Variants in RARB observed in about 807,000 individuals in gnomAD.
The protein encoded by RARB is HBV-activated protein.
In RARB, 17 loss-of-function variants were observed where a neutral mutation model predicts 51.9. That is an observed-to-expected ratio of 0.33 (90% CI 0.22 to 0.49). The LOEUF (loss-of-function observed/expected upper bound fraction) is 0.49, where lower values mean the gene tolerates loss of function less well. Among genes scored for constraint, RARB ranks in the 20% least tolerant of loss-of-function variants. The pLI is 0.99. For missense variants in RARB, 369 were observed against 550.8 expected, an observed-to-expected ratio of 0.67 and a Z score of 3.30; for synonymous variants, 215 against 195.4, an observed-to-expected ratio of 1.10 and a Z score of -0.84.
chr3:25,099,518 T>C (rs1699359254), intron 3 of RARB, among the ~76,000 whole-genome samples: 1 of 151,936 alleles, frequency 6.6e-6, no homozygotes, highest in African/African-American at 2.4e-5. Flanking sequence ...TATGTATCAT[T>C]GAATCAAATT....
intron 5 of RARB, among the ~76,000 whole-genome samples, chr3:25,263,489 G>A (rs1410582951): frequency 6.6e-6 from 1 of 152,108 alleles, no homozygotes; most frequent in Non-Finnish European, 1.5e-5. Context: ...AATTTGAAAT[G>A]TTGTTTATTT....
At chr3:25,178,398 T>C (rs569830560) in intron 5 of RARB, among the ~76,000 whole-genome samples, 1 of 152,298 alleles carries the variant, frequency 6.6e-6, no homozygotes, top group African/African-American at 2.4e-5. Context: ...ATTCTTAGTC[T>C]TTTTAATAGC....
intron 1 of RARB, among the ~76,000 whole-genome samples, chr3:24,850,878 A>G (rs370442391): frequency 6.6e-6 from 1 of 152,210 alleles, no homozygotes; most frequent in Non-Finnish European, 1.5e-5. Flanking sequence ...TTGAGGAGCA[A>G]GGAACTACAT....
intron 2 of RARB, among the ~76,000 whole-genome samples, chr3:24,922,799 G>A (rs1695246289): frequency 6.6e-6 from 1 of 152,162 alleles, no homozygotes; most frequent in South Asian, 2.1e-4. Context: ...ACAGCTGGCT[G>A]CTTCCAACTC....
chr3:25,079,888 G>T (rs1035871009), intron 3 of RARB, among the ~76,000 whole-genome samples: 1 of 152,168 alleles, frequency 6.6e-6, no homozygotes. Flanking sequence ...TGTATGTAAT[G>T]AGTTGTAAAG....
At chr3:25,442,087 G>C (rs1369288056) in intron 1 of RARB, among the ~76,000 whole-genome samples, 2 of 147,288 alleles carry the variant, frequency 1.4e-5, no homozygotes, top group South Asian at 4.3e-4. Context: ...TAATACAGCT[G>C]AGGAAGTGAC....
chr3:24,913,284 G>A lies in RARB; in HGVS notation c.-380+54532G>A, dbSNP rs183205347. Reference sequence around the variant, plus strand: ...CAGGTGTGAGCCACCGCGCCCAGCCGGTACTGTTCTTTTCTTAACAGAGGG... The same window carrying A: ...CAGGTGTGAGCCACCGCGCCCAGCCAGTACTGTTCTTTTCTTAACAGAGGG... On this transcript the variant is annotated intron_variant, in intron 2 of 11. Coordinates refer to the RARB transcript ENST00000383772. Among the ~76,000 whole-genome samples, 126 of 151,784 alleles carry A rather than the reference G, an allele frequency of 8.3e-4. 2 individuals are homozygous for A. Among genetic ancestry groups the A allele is most frequent in the Admixed American group, 1.8e-3 (27 of 15,240 alleles).
chr3:25,272,691 T>C (rs1703283053), intron 5 of RARB, among the ~76,000 whole-genome samples: 1 of 152,262 alleles, frequency 6.6e-6, no homozygotes, highest in African/African-American at 2.4e-5. Context: ...ACCACTGCCC[T>C]AAGGCCTGTT....
chr3:25,289,402 C>G (rs1703731067), intron 5 of RARB, among the ~76,000 whole-genome samples: 1 of 152,202 alleles, frequency 6.6e-6, no homozygotes, highest in Non-Finnish European at 1.5e-5. Flanking sequence ...TCAGTCACCT[C>G]TCAATCACAA....
At chr3:25,421,736 C>G (rs766714245) in intron 5 of RARB, among the ~76,000 whole-genome samples, 14 of 152,066 alleles carry the variant, frequency 9.2e-5, no homozygotes, top group Non-Finnish European at 1.9e-4. Flanking sequence ...CTTGTATTAC[C>G]TCATTTAATC....
chr3:25,075,926 T>TGA lies in RARB; in HGVS notation c.-328+15750_-328+15751insGA, dbSNP rs530298956. On this transcript the variant is annotated intron_variant, in intron 3 of 11. Coordinates refer to the RARB transcript ENST00000383772. The stretch of plus-strand genomic sequence containing the variant: ...TGTAGACTAACAAGTTGTTTATCTG[T>TGA]TTGTGCCATTAGATGTCTGAAAGAG... Among the ~76,000 whole-genome samples, 925 of 151,484 alleles carry TGA rather than the reference T, an allele frequency of 6.1e-3. 11 individuals are homozygous for TGA. The highest frequency in any genetic ancestry group is 0.02 in the African/African-American group (819 of 41,306).
chr3:25,094,264 G>A (rs1003544311), intron 3 of RARB, among the ~76,000 whole-genome samples: 3 of 152,076 alleles, frequency 2.0e-5, no homozygotes, highest in African/African-American at 7.2e-5. Context: ...TCTTCCTAAG[G>A]GATGCCTTCT....
At chr3:25,454,899 A>G (rs1475567933) in intron 1 of RARB, among the ~76,000 whole-genome samples, 1 of 152,240 alleles carries the variant, frequency 6.6e-6, no homozygotes, top group East Asian at 1.9e-4. Context: ...AGTCCTCTTA[A>G]CAGGCAGCAA....
At chr3:24,944,194 T>A (rs1695727093) in intron 2 of RARB, among the ~76,000 whole-genome samples, 1 of 152,178 alleles carries the variant, frequency 6.6e-6, no homozygotes, top group African/African-American at 2.4e-5. Context: ...TACATTCTTG[T>A]TTCTCTCACT....
chr3:25,060,784 G>A lies in RARB; in HGVS notation c.-328+608G>A, dbSNP rs368295650. On this transcript the variant is annotated intron_variant, in intron 3 of 11. Transcript: ENST00000383772. The stretch of plus-strand genomic sequence containing the variant: ...GACCTTGGTTAAGGTAGGTAGACTC[G>A]CTGGCTTCATGAGTAGAGTGTGAGT... Among the ~76,000 whole-genome samples the A allele has an allele frequency of 9.2e-5, 14 of 151,980 alleles. No individual in the cohort carries two copies. In the South Asian group the frequency reaches 2.7e-3, roughly 29 times the overall value.
intron 3 of RARB, among the ~76,000 whole-genome samples, chr3:25,124,134 G>A (rs1049660360): frequency 2.0e-5 from 3 of 152,178 alleles, no homozygotes; most frequent in African/African-American, 7.2e-5. Flanking sequence ...TAGCACTTTG[G>A]GAGGCCAAGG....
intron 2 of RARB, among the ~76,000 whole-genome samples, chr3:24,873,886 G>A (rs954176146): frequency 1.3e-5 from 2 of 151,924 alleles, no homozygotes; most frequent in African/African-American, 4.8e-5. Context: ...TGTACAGTTA[G>A]CCCTTTGTAC....
chr3:24,887,846 TGTCAGC>T (rs1359409069), intron 2 of RARB, among the ~76,000 whole-genome samples: 1 of 152,190 alleles, frequency 6.6e-6, no homozygotes, highest in Non-Finnish European at 1.5e-5. Flanking sequence ...TTTACTGTGA[TGTCAGC>T]ACTCTTGGCA....
At chr3:25,110,038 C>T (rs146233199) in intron 3 of RARB, among the ~76,000 whole-genome samples, 5 of 152,284 alleles carry the variant, frequency 3.3e-5, no homozygotes, top group African/African-American at 1.2e-4. Context: ...TCCCCAAGAT[C>T]TGGTTTACAA....
Sources: allele counts gnomAD v4.1 joint callset (sites outside exome capture counted in the v4.1 genomes callset), GRCh38; gene constraint gnomAD v4.1.1; transcripts MANE v1.5; gene names NCBI Gene and HGNC (gene_info 2026-07-23, HGNC 2026-07-21).